WDR45B: variants seen among roughly 807,000 people sequenced by gnomAD.
WDR45B encodes WD repeat domain phosphoinositide-interacting protein 3.
Under a neutral mutation model 44.6 loss-of-function variants are expected in WDR45B, and 20 were observed. That is an observed-to-expected ratio of 0.45 (90% CI 0.32 to 0.65). WDR45B has a LOEUF of 0.65. Among genes scored for constraint, WDR45B ranks in the 30% least tolerant of loss-of-function variants. The pLI is 0.05. For missense variants in WDR45B, 323 were observed against 430.2 expected (o/e 0.75, Z 2.20); for synonymous variants, 169 against 164.9 (o/e 1.02, Z -0.19).
chr17:82,615,005 C>G lies in WDR45B; in HGVS notation c.*914G>C, dbSNP rs1483521272. On this transcript the variant is annotated 3_prime_UTR_variant, in exon 10 of 10. Transcript: ENST00000392325. The stretch of plus-strand genomic sequence containing the variant: ...TCGGAGGCCAGACCAGGGCATTTCC[C>G]TCCACACCAGCGGGAACTGCATGGA... 1 of 152,214 alleles carries G rather than the reference C, an allele frequency of 6.6e-6. No homozygotes were observed. The highest frequency in any genetic ancestry group is 1.5e-5 in the Non-Finnish European group (1 of 68,044). 9.4% of individuals were successfully genotyped at this position (152,214 alleles called of 1,614,324 possible).
chr17:82,616,474 G>A (rs777977394), intron 9 of WDR45B, 50 bp downstream of exon 9: 3 of 1,612,110 alleles, frequency 1.9e-6, no homozygotes, highest in South Asian at 1.1e-5. Flanking sequence ...TCAGTGGATG[G>A]AGCCCAGGTG....
At chr17:82,644,927 G>A (rs866597442) in intron 1 of WDR45B, among the ~76,000 whole-genome samples, 4 of 152,162 alleles carry the variant, frequency 2.6e-5, no homozygotes, top group African/African-American at 9.7e-5. Flanking sequence ...TTGGGAGACC[G>A]AGGTGGGCGG....
chr17:82,623,703 A>T (rs1328661564), intron 5 of WDR45B, among the ~76,000 whole-genome samples: 5 of 86,354 alleles, frequency 5.8e-5, no homozygotes, highest in East Asian at 2.9e-4. Context: ...ATCTCATATT[A>T]AAAAAAAAAA....
At chr17:82,626,709 G>C (rs796276797) in intron 4 of WDR45B, 105 of 200,928 alleles carry the variant, frequency 5.2e-4, no homozygotes, top group African/African-American at 2.4e-3. Context: ...CTTGCTCAAC[G>C]TACTAGGACA....
chr17:82,643,157 G>A (rs569074743), intron 2 of WDR45B, among the ~76,000 whole-genome samples: 4 of 152,258 alleles, frequency 2.6e-5, no homozygotes, highest in East Asian at 1.9e-4. Context: ...TGAGGTGGCC[G>A]GGGACGGTGG....
intron 2 of WDR45B, among the ~76,000 whole-genome samples, chr17:82,635,154 T>C (rs1014266001): frequency 1.3e-5 from 2 of 151,936 alleles, no homozygotes; most frequent in African/African-American, 2.4e-5. Context: ...AATTTTATTT[T>C]ACATAATTTT....
intron 2 of WDR45B, among the ~76,000 whole-genome samples, chr17:82,640,152 C>T (rs968693103): frequency 1.3e-5 from 2 of 152,098 alleles, no homozygotes; most frequent in African/African-American, 4.8e-5. Context: ...TGGCAGAAGG[C>T]GTATCTGGAA....
rs562186058 is a variant in WDR45B, at chr17:82,626,533, C to CAAAAAAAAAAA, written c.332+660_332+670dup. On this transcript the variant is annotated intron_variant, in intron 4 of 9. Transcript: ENST00000392325. ...GGCAACAGAGCAAGACTCTATCTCC[C>CAAAAAAAAAAA]AAAAAAAAAAAAAAAAAAAAAAAAA... Among the ~76,000 whole-genome samples, 84 of 79,440 alleles carry CAAAAAAAAAAA rather than the reference C, an allele frequency of 1.1e-3. 6 individuals carry two copies. The highest frequency in any genetic ancestry group is 5.1e-3 in the African/African-American group (70 of 13,668). The allele number at this position is 79,440 out of a possible 152,430, so 52.1% of individuals were successfully genotyped here. A position where few individuals can be genotyped will look rare whatever the true frequency, so the allele number is the denominator to read the frequency against.
intron 6 of WDR45B, 112 bp downstream of exon 6, chr17:82,621,497 T>A: frequency 7.0e-7 from 1 of 1,421,802 alleles, no homozygotes; most frequent in African/African-American, 1.4e-5. Context: ...CCTGAGGGGC[T>A]CCAGGTTGGG....
At chr17:82,621,347 C>CTG (rs1052288501) in intron 6 of WDR45B, among the ~76,000 whole-genome samples, 13 of 152,218 alleles carry the variant, frequency 8.5e-5, no homozygotes, top group Non-Finnish European at 1.9e-4. Context: ...GCCACTGCCC[C>CTG]TGGCCCTGTT....
chr17:82,646,736 T>G (rs955963874), intron 1 of WDR45B, among the ~76,000 whole-genome samples: 6 of 152,082 alleles, frequency 3.9e-5, no homozygotes, highest in Admixed American at 3.9e-4. Context: ...TATAGCACAC[T>G]TCACTAAAAA....
intron 2 of WDR45B, 58 bp downstream of exon 2, chr17:82,643,890 AT>A (rs2045946165): frequency 6.8e-7 from 1 of 1,463,296 alleles, no homozygotes; most frequent in East Asian, 2.5e-5. Flanking sequence ...GCAAGGTTAA[AT>A]TTAAGACTCC....
rs2045521377 is a variant in WDR45B at position 82,615,609 on chromosome 17, G to GC, written c.*309dup. 4.5e-6 allele frequency: 2 copies of GC among 439,982 alleles called. No homozygotes were observed. Among genetic ancestry groups the GC allele is most frequent in the South Asian group, 2.1e-5 (1 of 46,776 alleles). The allele number at this position is 439,982 out of a possible 1,614,324, so 27.3% of individuals were successfully genotyped here. A position where few individuals can be genotyped will look rare whatever the true frequency, so the allele number is the denominator to read the frequency against. On this transcript the variant is annotated 3_prime_UTR_variant, in exon 10 of 10. Transcript: ENST00000392325. ...AGCCCAGTCCCCAGGTCCGTATGGAGCCCCCGTCAGTGTGAGGATGCGGCG... is the reference window on the plus strand; with the variant it reads ...AGCCCAGTCCCCAGGTCCGTATGGAGCCCCCCGTCAGTGTGAGGATGCGGCG...
At chr17:82,632,155 CTT>C (rs2045776493) in intron 2 of WDR45B, among the ~76,000 whole-genome samples, 2 of 151,890 alleles carry the variant, frequency 1.3e-5, no homozygotes, top group Admixed American at 1.3e-4. Context: ...AGCTGAGTGA[CTT>C]TTATCATTTC....
In WDR45B at chr17:82,629,676, C is replaced by T. The variant is rs141191449; in HGVS notation, c.244+1245G>A. ...TGTATCAGGCAGGGCCAGTCCTCAC[C>T]CGAGTGTGGTCTCTCTTCCGCACAT... On this transcript the variant is annotated intron_variant, in intron 3 of 9. Transcript: ENST00000392325. 2.6e-4 allele frequency: 261 copies of T among 985,364 alleles called. 1 individual carries two copies. The African/African-American group carries it at 4.2e-3, about 16-fold the overall frequency. The allele number at this position is 985,364 out of a possible 1,614,324, so 61.0% of individuals were successfully genotyped here.
chr17:82,630,027 T>C, intron 3 of WDR45B: 1 of 962,892 alleles, frequency 1.0e-6, no homozygotes, highest in Non-Finnish European at 1.2e-6. Flanking sequence ...AGACCACCGG[T>C]GGCCTTCAAT....
chr17:82,620,722 A>T (rs2045603634), intron 6 of WDR45B, among the ~76,000 whole-genome samples: 1 of 152,238 alleles, frequency 6.6e-6, no homozygotes, highest in Non-Finnish European at 1.5e-5. Context: ...CTATAGTACA[A>T]GATACCAATT....
At chr17:82,627,691 A>G (rs1041833622) in intron 3 of WDR45B, among the ~76,000 whole-genome samples, 2 of 150,994 alleles carry the variant, frequency 1.3e-5, no homozygotes, top group Admixed American at 1.3e-4. Context: ...TTCCTCTCTC[A>G]GTGCGCACAG....
chr17:82,641,737 A>T (rs934075457), intron 2 of WDR45B, among the ~76,000 whole-genome samples: 6 of 152,142 alleles, frequency 3.9e-5, no homozygotes, highest in African/African-American at 1.4e-4. Flanking sequence ...TCTACCAAAC[A>T]TACAAAAAAA....
Sources: gnomAD v4.1 joint callset for allele counts (sites outside exome capture counted in the v4.1 genomes callset) on GRCh38, gnomAD v4.1.1 for gene constraint, MANE v1.5 for transcripts, NCBI Gene and HGNC (gene_info 2026-07-23, HGNC 2026-07-21) for gene names.